IQGAP2: variants seen among roughly 807,000 people sequenced by gnomAD.
IQGAP2 encodes the protein ras GTPase-activating-like protein IQGAP2.
Under a neutral mutation model 201.3 loss-of-function variants are expected in IQGAP2, and 173 were observed. The ratio of observed to expected loss-of-function variants is 0.86; its 90% CI spans 0.76 to 0.98. The LOEUF (loss-of-function observed/expected upper bound fraction) is 0.98. Among genes scored for constraint, IQGAP2 ranks in the 50% least tolerant of loss-of-function variants. The probability of loss-of-function intolerance (pLI) is 0.00; values close to 1 mark genes in which losing one functional copy is unlikely to be tolerated. For missense variants in IQGAP2, 1,687 were observed against 1,864.8 expected, an observed-to-expected ratio of 0.90 and a Z score of 1.76; for synonymous variants, 675 against 673.9, an observed-to-expected ratio of 1.00 and a Z score of -0.03.
intron 2 of IQGAP2, among the ~76,000 whole-genome samples, chr5:76,462,201 A>G (rs900654347): frequency 8.5e-5 from 13 of 152,218 alleles, no homozygotes; most frequent in African/African-American, 2.9e-4. Flanking sequence ...AATGACTTAA[A>G]TCAACTTCCT....
intron 14 of IQGAP2, chr5:76,628,673 C>G (rs1415600289): frequency 2.2e-6 from 1 of 456,044 alleles, no homozygotes; most frequent in Non-Finnish European, 4.4e-6. Flanking sequence ...ATGACTTTGT[C>G]TTACTCCACA....
intron 1 of IQGAP2, among the ~76,000 whole-genome samples, chr5:76,425,616 G>A (rs1204070721): frequency 6.6e-6 from 1 of 151,926 alleles, no homozygotes; most frequent in Non-Finnish European, 1.5e-5. Context: ...TTCCCAGAGA[G>A]ACTTGTAAGT....
At chr5:76,542,517 T>C (rs1742845907) in intron 2 of IQGAP2, among the ~76,000 whole-genome samples, 2 of 152,252 alleles carry the variant, frequency 1.3e-5, no homozygotes, top group African/African-American at 4.8e-5. Context: ...AAAGTTAGTT[T>C]GGATTTATTC....
At chr5:76,559,698 C>T (rs1046020628) in intron 2 of IQGAP2, among the ~76,000 whole-genome samples, 1 of 152,182 alleles carries the variant, frequency 6.6e-6, no homozygotes, top group Non-Finnish European at 1.5e-5. Context: ...GATGTCATTT[C>T]CTCATAATGT....
At position 76,597,606 on chromosome 5, in the gene IQGAP2, A is replaced by T; in HGVS notation, c.1071+4A>T. 1 of 1,613,826 alleles carries T rather than the reference A, an allele frequency of 6.2e-7. No homozygotes were observed. The highest frequency in any genetic ancestry group is 2.2e-5 in the East Asian group (1 of 44,870). On this transcript the variant is annotated splice_donor_region_variant and intron_variant, in intron 10 of 35. Transcript: ENST00000274364. ...CCTCCAGAAACAGAACACCATGGTA[A>T]GTCAGAGGAGACCCCAGCTGTGGGG...
intron 2 of IQGAP2, among the ~76,000 whole-genome samples, chr5:76,547,258 A>C (rs974372760): frequency 6.6e-6 from 1 of 152,202 alleles, no homozygotes. Context: ...GTTTAAGGGG[A>C]GGAAGAGAAG....
At chr5:76,469,972 CTG>C (rs1755015008) in intron 2 of IQGAP2, among the ~76,000 whole-genome samples, 1 of 152,158 alleles carries the variant, frequency 6.6e-6, no homozygotes, top group Non-Finnish European at 1.5e-5. Context: ...GGTCAGAAAT[CTG>C]TCATTGCTTA....
At chr5:76,546,473 C>T (rs2150226790) in intron 2 of IQGAP2, among the ~76,000 whole-genome samples, 1 of 152,148 alleles carries the variant, frequency 6.6e-6, no homozygotes, top group South Asian at 2.1e-4. Context: ...ATTTGTAGTG[C>T]ACTATACTTA....
chr5:76,426,290 G>A (rs1304389616), intron 1 of IQGAP2, among the ~76,000 whole-genome samples: 3 of 152,188 alleles, frequency 2.0e-5, no homozygotes, highest in Non-Finnish European at 4.4e-5. Context: ...ACCTAGGAAA[G>A]GGGGATTCTG....
At chr5:76,705,028 A>G (rs185428254) in intron 35 of IQGAP2, among the ~76,000 whole-genome samples, 100 of 152,300 alleles carry the variant, frequency 6.6e-4, no homozygotes, top group South Asian at 1.7e-3. Context: ...TAACAGGAGG[A>G]TATGACTTAT....
At chr5:76,593,827 G>C (rs1746829595) in intron 9 of IQGAP2, among the ~76,000 whole-genome samples, 1 of 152,162 alleles carries the variant, frequency 6.6e-6, no homozygotes, top group African/African-American at 2.4e-5. Context: ...CATCCTCGTT[G>C]AGTTTTGAAT....
intron 1 of IQGAP2, among the ~76,000 whole-genome samples, chr5:76,414,529 G>C (rs1270735796): frequency 6.6e-6 from 1 of 152,172 alleles, no homozygotes; most frequent in Non-Finnish European, 1.5e-5. Flanking sequence ...TATTTGTAAA[G>C]AATATATAAG....
intron 2 of IQGAP2, among the ~76,000 whole-genome samples, chr5:76,501,507 T>C (rs1324828442): frequency 6.6e-5 from 10 of 152,134 alleles, no homozygotes; most frequent in African/African-American, 2.4e-4. Context: ...GAAGAGTCTA[T>C]AGTGTTGGGT....
intron 1 of IQGAP2, among the ~76,000 whole-genome samples, chr5:76,437,213 A>G (rs766878351): frequency 1.3e-5 from 2 of 151,942 alleles, no homozygotes; most frequent in African/African-American, 2.4e-5. Flanking sequence ...CACCATGCCC[A>G]GCTAATTTTT....
intron 2 of IQGAP2, among the ~76,000 whole-genome samples, chr5:76,541,019 G>A (rs543924777): frequency 1.7e-3 from 254 of 152,016 alleles, no homozygotes; most frequent in African/African-American, 4.1e-3. Flanking sequence ...TTTTTTTATC[G>A]TGATGAAATA....
At chr5:76,416,814 A>G (rs893983081) in intron 1 of IQGAP2, among the ~76,000 whole-genome samples, 3 of 151,376 alleles carry the variant, frequency 2.0e-5, no homozygotes, top group Admixed American at 2.0e-4. Flanking sequence ...GTGTGAGCCA[A>G]CACACCCGGC....
chr5:76,448,204 T>A (rs1753522472), intron 1 of IQGAP2, among the ~76,000 whole-genome samples: 1 of 152,194 alleles, frequency 6.6e-6, no homozygotes, highest in African/African-American at 2.4e-5. Flanking sequence ...AAAGTGGGAA[T>A]AATACCAGTG....
chr5:76,671,744 C>G lies in IQGAP2; in HGVS notation c.2844-15C>G. 29 of 1,485,250 alleles carry G rather than the reference C, an allele frequency of 2.0e-5. No homozygotes were observed. The highest frequency in any genetic ancestry group is 5.6e-5 in the African/African-American group (4 of 71,840). 92.0% of individuals were successfully genotyped at this position (1,485,250 alleles called of 1,614,324 possible). A position where few individuals can be genotyped will look rare whatever the true frequency, so the allele number is the denominator to read the frequency against. ...ATGGAAGCAAACCATTTTGTTTTGT[C>G]TTGGGCTTTTTTAGATCAAAAGTGG... On this transcript the variant is annotated splice_polypyrimidine_tract_variant and intron_variant, in intron 23 of 35. Coordinates refer to ENST00000274364, the MANE Select transcript of IQGAP2 (RefSeq NM_006633.5).
In IQGAP2 at chr5:76,683,938, G is replaced by A. The variant is rs777720959; in HGVS notation, c.3905+21G>A. The A allele has an allele frequency of 6.3e-6, 10 of 1,595,842 alleles. No individual in the cohort carries two copies. In the Admixed American group the frequency reaches 1.0e-4, roughly 16 times the overall value. ...ATAAAGTAAGTTTGGGGGTTAAAGGGCACATGTCTCCAAATACACATCTTA... is the reference window on the plus strand; with the variant it reads ...ATAAAGTAAGTTTGGGGGTTAAAGGACACATGTCTCCAAATACACATCTTA... On this transcript the variant is annotated intron_variant, in intron 30 of 35. Coordinates refer to ENST00000274364, the MANE Select transcript of IQGAP2 (RefSeq NM_006633.5).
Sources: allele counts gnomAD v4.1 joint callset (sites outside exome capture counted in the v4.1 genomes callset), GRCh38; gene constraint gnomAD v4.1.1; transcripts MANE v1.5; gene names NCBI Gene and HGNC (gene_info 2026-07-23, HGNC 2026-07-21).